DIP2A: variants seen among roughly 807,000 people sequenced by gnomAD.
DIP2A encodes the protein DIP2 acetate--CoA ligase A.
In DIP2A, 85 loss-of-function variants were observed where a neutral mutation model predicts 177.4. The observed-to-expected ratio is 0.48, with a 90% confidence interval of 0.40 to 0.57. The LOEUF is 0.57. DIP2A is among the 20% of genes least tolerant of loss of function. The pLI, the probability that DIP2A is intolerant of heterozygous loss-of-function variation, is 0.00. For synonymous variants in DIP2A, 886 were observed against 881.8 expected, an observed-to-expected ratio of 1.00 and a Z score of -0.08; for missense variants, 1,791 against 2,100.2, an observed-to-expected ratio of 0.85 and a Z score of 2.88.
the DIP2A span, among the ~76,000 whole-genome samples, chr21:46,578,959 A>T: frequency 6.6e-6 from 1 of 152,184 alleles, no homozygotes; most frequent in African/African-American, 2.4e-5. Flanking sequence ...TATCGGGATG[A>T]TGCTCGTCTC....
chr21:46,552,561 T>C (rs2060310914), intron 25 of DIP2A, among the ~76,000 whole-genome samples: 1 of 152,220 alleles, frequency 6.6e-6, no homozygotes, highest in Admixed American at 6.5e-5. Context: ...GTAAGAACTC[T>C]TAAGCTTTGG....
At chr21:46,546,169 G>C in intron 20 of DIP2A, 1 of 1,351,738 alleles carries the variant, frequency 7.4e-7, no homozygotes, top group Non-Finnish European at 9.5e-7. Flanking sequence ...CTGCACACAG[G>C]CCTGAGTCGG....
At chr21:46,476,179 C>T (rs867853536) in intron 1 of DIP2A, among the ~76,000 whole-genome samples, 2 of 151,686 alleles carry the variant, frequency 1.3e-5, no homozygotes, top group African/African-American at 2.4e-5. Context: ...GGAGGCGGAG[C>T]TTGCAGTGAG....
intron 20 of DIP2A, chr21:46,546,404 C>T (rs890353624): frequency 7.9e-6 from 6 of 763,946 alleles, no homozygotes; most frequent in East Asian, 2.0e-4. Context: ...TGTCACAACT[C>T]AAGGGAGGGG....
rs2056590139 is a variant in DIP2A, at chr21:46,484,945, G to A, written c.163+117G>A. The A allele has an allele frequency of 7.6e-6, 7 of 921,282 alleles. No individual in the cohort carries two copies. The South Asian group carries it at 1.4e-4, about 19-fold the overall frequency. The allele number at this position is 921,282 out of a possible 1,614,324, so 57.1% of individuals were successfully genotyped here. The stretch of plus-strand genomic sequence containing the variant: ...CAATGTTAAACCAACTTTAAACACT[G>A]GTATATGTTGATTATTGATTGAGAC... On this transcript the variant is annotated intron_variant, in intron 2 of 37. Coordinates refer to ENST00000417564, the MANE Select transcript of DIP2A (RefSeq NM_015151.4).
chr21:46,579,975 C>G, the DIP2A span, among the ~76,000 whole-genome samples: 6 of 152,108 alleles, frequency 3.9e-5, no homozygotes, highest in African/African-American at 9.7e-5. Context: ...CTACTTAATC[C>G]AGAGCTGAGT....
rs56782646 is a variant in DIP2A at position 46,506,804 on chromosome 21, C to CTTT, written c.784+2330_784+2332dup. On this transcript the variant is annotated intron_variant, in intron 6 of 37. Coordinates refer to ENST00000417564, the MANE Select transcript of DIP2A (RefSeq NM_015151.4). ...TTTCTTTCTTTTCTTTCTTTCTTCTCTTTTTTTTTTTTTTTTTGAGACGGA... is the reference window on the plus strand; with the variant it reads ...TTTCTTTCTTTTCTTTCTTTCTTCTCTTTTTTTTTTTTTTTTTTTTGAGACGGA... 5.9e-4 allele frequency among the ~76,000 whole-genome samples: 44 copies of CTTT among 74,246 alleles called. 1 individual carries two copies. The highest frequency in any genetic ancestry group is 9.9e-4 in the Non-Finnish European group (37 of 37,532). 48.7% of individuals were successfully genotyped at this position (74,246 alleles called of 152,430 possible). A position where few individuals can be genotyped will look rare whatever the true frequency, so the allele number is the denominator to read the frequency against.
chr21:46,492,640 G>A (rs561150855), intron 3 of DIP2A, among the ~76,000 whole-genome samples: 3 of 152,272 alleles, frequency 2.0e-5, no homozygotes, highest in Non-Finnish European at 2.9e-5. Context: ...TGAGGGTGGG[G>A]CCCTCACGGT....
chr21:46,540,676 G>C (rs1489732549), intron 17 of DIP2A, among the ~76,000 whole-genome samples: 1 of 152,146 alleles, frequency 6.6e-6, no homozygotes. Flanking sequence ...ATTCATAAAT[G>C]GTATGTGTTT....
At position 46,557,398 on chromosome 21, in the gene DIP2A, C is replaced by T; in HGVS notation, c.3630-187C>T. On this transcript the variant is annotated intron_variant, in intron 30 of 37. Transcript: ENST00000417564. The surrounding 1 kb of genome is among the most constrained non-coding windows in gnomAD (Gnocchi z 6.0). Reference sequence around the variant, plus strand: ...CAAGTGTTCGGAGCAGAGCTCAGAACCCCGTGCCTGCCATCCCCCAACCTT... The same window carrying T: ...CAAGTGTTCGGAGCAGAGCTCAGAATCCCGTGCCTGCCATCCCCCAACCTT... 1.3e-6 allele frequency: 1 copy of T among 744,588 alleles called. No homozygotes were observed. The highest frequency in any genetic ancestry group is 2.1e-6 in the Non-Finnish European group (1 of 469,722). 46.1% of individuals were successfully genotyped at this position (744,588 alleles called of 1,614,324 possible). A position where few individuals can be genotyped will look rare whatever the true frequency, so the allele number is the denominator to read the frequency against.
At chr21:46,468,342 C>CCG (rs1828794492) in intron 1 of DIP2A, among the ~76,000 whole-genome samples, 1 of 148,464 alleles carries the variant, frequency 6.7e-6, no homozygotes, top group African/African-American at 2.5e-5. Flanking sequence ...GCAGGGAGAA[C>CCG]CGCTTGAACC....
chr21:46,578,454 T>A, the DIP2A span, among the ~76,000 whole-genome samples: 4 of 152,232 alleles, frequency 2.6e-5, no homozygotes. Flanking sequence ...ATTATTTCTT[T>A]CTCTTGCCTG....
At position 46,557,896 on chromosome 21, in the gene DIP2A, A is replaced by G. The variant is rs2060523108; in HGVS notation, c.3798+143A>G. 2 of 1,066,364 alleles carry G rather than the reference A, an allele frequency of 1.9e-6. No homozygotes were observed. Among genetic ancestry groups the G allele is most frequent in the Non-Finnish European group, 2.6e-6 (2 of 755,734 alleles). 66.1% of individuals were successfully genotyped at this position (1,066,364 alleles called of 1,614,324 possible). On this transcript the variant is annotated intron_variant, in intron 31 of 37. Coordinates refer to ENST00000417564, the MANE Select transcript of DIP2A (RefSeq NM_015151.4). The surrounding 1 kb of genome is among the most constrained non-coding windows in gnomAD (Gnocchi z 6.0). ...AAAACCCTTTCCCACTAGGGGCCCTATGTACACATCTGTCCTCCCACGGCC... is the reference window on the plus strand; with the variant it reads ...AAAACCCTTTCCCACTAGGGGCCCTGTGTACACATCTGTCCTCCCACGGCC...
chr21:46,502,322 G>T (rs1306197063), intron 5 of DIP2A, among the ~76,000 whole-genome samples: 1 of 151,464 alleles, frequency 6.6e-6, no homozygotes, highest in Non-Finnish European at 1.5e-5. Flanking sequence ...TTAAGAGATG[G>T]GAGCTCACTA....
At chr21:46,533,499 C>G (rs2059434645) in intron 10 of DIP2A, 25 bp from the exon 11 acceptor site, 2 of 1,608,356 alleles carry the variant, frequency 1.2e-6, no homozygotes, top group Middle Eastern at 1.8e-4. Context: ...CACCCCACCC[C>G]ACACGGTCAC....
chr21:46,555,778 G>A, intron 28 of DIP2A: 1 of 577,556 alleles, frequency 1.7e-6, no homozygotes, highest in Non-Finnish European at 3.1e-6. Flanking sequence ...TGGTCTTGGT[G>A]GGACCGGGTA....
chr21:46,532,174 A>C lies in DIP2A; in HGVS notation c.1242A>C (p.Ala414=), dbSNP rs2059382148. The change falls in exon 10 of 38, where the codon GCA becomes GCC. Residue 414 remains alanine (A), a synonymous_variant. Transcript: ENST00000417564. ...GTGACCCTGTGATGTTCATGGTTGC[A>C]TTTTATGGGTGTCTCCTGGCAGAGC... The part of the protein sequence containing the change: ...PNSDPVMFMV[A]FYGCLLAELV... The C allele has an allele frequency of 6.2e-7, 1 of 1,613,904 alleles. No homozygotes were observed. The highest frequency in any genetic ancestry group is 1.1e-5 in the South Asian group (1 of 91,068).
At chr21:46,476,939 G>C (rs1011419580) in intron 1 of DIP2A, among the ~76,000 whole-genome samples, 1 of 152,208 alleles carries the variant, frequency 6.6e-6, no homozygotes, top group Non-Finnish European at 1.5e-5. Context: ...TTACAGGCGT[G>C]AGCCACTGCA....
rs1695019289 is a variant in DIP2A at position 46,556,029 on chromosome 21, C to T, written c.3436C>T (p.Pro1146Ser). 1.2e-6 allele frequency: 2 copies of T among 1,613,992 alleles called. No individual in the cohort carries two copies. The highest frequency in any genetic ancestry group is 3.3e-5 in the Admixed American group (2 of 60,032). The change falls in exon 29 of 38, where the codon CCC becomes TCC. Residue 1146 changes from proline to serine, a missense_variant. Coordinates refer to ENST00000417564, the MANE Select transcript of DIP2A (RefSeq NM_015151.4). The surrounding 1 kb of genome is among the most constrained non-coding windows in gnomAD (Gnocchi z 4.5). ...KIASVFRPPS[P>S]DVLAYLDFSV... ...AGCAAGCGTTTTCAGGCCCCCCTCC[C>T]CCGATGTCCTCGCATACTTGGACTT...
Sources: allele counts gnomAD v4.1 joint callset (sites outside exome capture counted in the v4.1 genomes callset), GRCh38; gene constraint gnomAD v4.1.1; non-coding constraint Gnocchi (gnomAD v3.1); transcripts MANE v1.5; gene names NCBI Gene and HGNC (gene_info 2026-07-23, HGNC 2026-07-21).